The following RNF17 variants were observed in gnomAD, a reference collection of about 807,000 sequenced individuals.
The protein encoded by RNF17 is spermatogenesis associated 23.
Under a neutral mutation model 200.5 loss-of-function variants are expected in RNF17, and 31 were observed. The observed-to-expected ratio is 0.15, with a 90% CI of 0.12 to 0.21. The LOEUF is 0.21. Ranked by LOEUF, RNF17 falls within the 10% of genes least tolerant of loss-of-function variation. The pLI is 1.00. For missense variants in RNF17, 1,628 were observed against 1,905.1 expected, an observed-to-expected ratio of 0.85 and a Z score of 2.71; for synonymous variants, 606 against 637.8, an observed-to-expected ratio of 0.95 and a Z score of 0.75.
chr13:24,831,366 C>G (rs1005107192), intron 17 of RNF17, among the ~76,000 whole-genome samples: 1 of 151,980 alleles, frequency 6.6e-6, no homozygotes, highest in Non-Finnish European at 1.5e-5. Context: ...TGCTTGAACC[C>G]GGGAGGCGGA....
chr13:24,792,373 T>C lies in RNF17; in HGVS notation c.936-669T>C, dbSNP rs180834763. Among the ~76,000 whole-genome samples, 3 of 152,068 alleles carry C rather than the reference T, an allele frequency of 2.0e-5. No individual in the cohort carries two copies. In the East Asian group the frequency reaches 5.8e-4, roughly 29 times the overall value. On this transcript the variant is annotated intron_variant, in intron 9 of 35. Coordinates refer to ENST00000255324, the MANE Select transcript of RNF17 (RefSeq NM_031277.3). ...TTCAAACAGGTCAAGGACAATACCC[T>C]GGAAGGATACTAAAATTTAAAGCAG...
At chr13:24,880,693 C>CA (rs1413501793), downstream of RNF17, among the ~76,000 whole-genome samples, 1 of 152,170 alleles carries the variant, frequency 6.6e-6, no homozygotes, top group African/African-American at 2.4e-5. Flanking sequence ...GCCTTGTATA[C>CA]ATGAGCGGCT....
intron 17 of RNF17, among the ~76,000 whole-genome samples, chr13:24,831,602 A>G (rs1593372910): frequency 6.6e-6 from 1 of 152,232 alleles, no homozygotes; most frequent in African/African-American, 2.4e-5. Context: ...TTAATGTATC[A>G]TAAGTGTCTG....
chr13:24,871,667 C>G (rs1432165144), intron 32 of RNF17, among the ~76,000 whole-genome samples: 1 of 139,358 alleles, frequency 7.2e-6, no homozygotes, highest in Admixed American at 7.6e-5. Flanking sequence ...GAGTCTTGCT[C>G]TGTTGCCCAG....
At chr13:24,806,942 T>G (rs1459712506) in intron 15 of RNF17, among the ~76,000 whole-genome samples, 2 of 151,890 alleles carry the variant, frequency 1.3e-5, no homozygotes. Flanking sequence ...AATGATGATT[T>G]CCAGTTTCAT....
At chr13:24,812,633 G>A (rs1284360587) in intron 15 of RNF17, among the ~76,000 whole-genome samples, 9 of 150,218 alleles carry the variant, frequency 6.0e-5, no homozygotes, top group South Asian at 2.1e-4. Context: ...GCTGTAGACC[G>A]GAGCTGTTCC....
chr13:24,826,924 G>C (rs1477854165), intron 16 of RNF17, among the ~76,000 whole-genome samples: 9 of 151,958 alleles, frequency 5.9e-5, no homozygotes, highest in Non-Finnish European at 8.8e-5. Flanking sequence ...GCTGGGCATG[G>C]TGGTGCATGC....
chr13:24,868,844 T>G, intron 31 of RNF17, 128 bp downstream of exon 31: 1 of 658,740 alleles, frequency 1.5e-6, no homozygotes, highest in Non-Finnish European at 2.7e-6. Flanking sequence ...GAACTCTAGT[T>G]TGCCCCACCC....
chr13:24,883,175 C>T (rs748322843), downstream of RNF17: 19 of 1,612,558 alleles, frequency 1.2e-5, no homozygotes, highest in East Asian at 2.2e-5. Context: ...ACATGAGGAT[C>T]GTCACAGCTC....
In RNF17 at chr13:24,779,698, C is replaced by T; in HGVS notation, c.461C>T (p.Ala154Val). The change falls in exon 5 of 36, where the codon GCA becomes GTA. Residue 154 changes from alanine to valine, a missense_variant. Physicochemically the swap from Ala to Val is moderately conservative, Grantham distance 64. This residue lies in a region of RNF17 where 502 missense variants were observed against 501.7 expected (regional missense o/e 1.00). Transcript: ENST00000255324. ...AATACTGCAGAAGAAATTGATGAAG[C>T]ATTGAATACAGCACACCATAGTTTC... ...DTNTAEEIDE[A>V]LNTAHHSFEQ... 2 of 1,613,416 alleles carry T rather than the reference C, an allele frequency of 1.2e-6. No individual in the cohort carries two copies. Among genetic ancestry groups the T allele is most frequent in the Non-Finnish European group, 1.7e-6 (2 of 1,179,570 alleles).
intron 29 of RNF17, 137 bp downstream of exon 29, chr13:24,865,135 T>C (rs1893488560): frequency 3.3e-6 from 2 of 605,402 alleles, no homozygotes. Flanking sequence ...CTTACACATT[T>C]TTGCTGAGAA....
At position 24,767,334 on chromosome 13, in the gene RNF17, G is replaced by A; in HGVS notation, c.193G>A (p.Glu65Lys). ...FCELCLLMTE[E>K]CTTIICPDCE... ...TGAACTATGCTTGTTAATGACTGAA[G>A]AATGCACCACAATTATATGCCCTGA... Residue 65 changes from glutamate to lysine, a missense_variant, in exon 2 of 36, where the codon GAA becomes AAA. Physicochemically the swap from Glu to Lys is moderately conservative, Grantham distance 56. Transcript: ENST00000255324. 6.2e-7 allele frequency: 1 copy of A among 1,611,776 alleles called. No homozygotes were observed. Among genetic ancestry groups the A allele is most frequent in the South Asian group, 1.1e-5 (1 of 91,012 alleles).
intron 32 of RNF17, among the ~76,000 whole-genome samples, chr13:24,871,181 A>C (rs1447032453): frequency 6.6e-6 from 1 of 152,206 alleles, no homozygotes; most frequent in African/African-American, 2.4e-5. Flanking sequence ...TTATCTTTTC[A>C]GTCCATTCTT....
chr13:24,765,089 C>T lies in RNF17; in HGVS notation c.130+756C>T, dbSNP rs1054014476. 2.0e-5 allele frequency among the ~76,000 whole-genome samples: 3 copies of T among 152,280 alleles called. No individual in the cohort carries two copies. The East Asian group carries it at 5.8e-4, about 29-fold the overall frequency. ...GGAGTGCAGTGGCGCGATCTCGGCT[C>T]ACTGCAAGCTCCGCCTCCCAGGTTC... On this transcript the variant is annotated intron_variant, in intron 1 of 35. Transcript: ENST00000255324.
intron 32 of RNF17, among the ~76,000 whole-genome samples, chr13:24,870,988 G>A (rs1484754160): frequency 6.6e-6 from 1 of 152,200 alleles, no homozygotes; most frequent in Admixed American, 6.5e-5. Flanking sequence ...AAATAAGACA[G>A]CGTTGGAAAA....
downstream of RNF17, chr13:24,883,446 T>C (rs1953924174): frequency 2.4e-6 from 3 of 1,234,046 alleles, no homozygotes; most frequent in South Asian, 1.4e-5. Context: ...TACTGAAAAG[T>C]AGCCTTTTGA....
chr13:24,788,021 T>C lies in RNF17; in HGVS notation c.645T>C (p.Thr215=), dbSNP rs1286023172. 6.4e-7 allele frequency: 1 copy of C among 1,573,898 alleles called. No individual in the cohort carries two copies. Residue 215 remains threonine, a synonymous_variant, in exon 7 of 36, where the codon ACT becomes ACC. Transcript: ENST00000255324. The stretch of plus-strand genomic sequence containing the variant: ...ACCTGTGTGAAGAATTTGCAAGAAC[T>C]ACTGATGATTATCTATCAAATTTAA... The part of the protein sequence containing the change: ...KKNLCEEFAR[T]TDDYLSNLIK...
At chr13:24,805,689 G>C (rs1416305605) in intron 15 of RNF17, among the ~76,000 whole-genome samples, 1 of 152,166 alleles carries the variant, frequency 6.6e-6, no homozygotes, top group African/African-American at 2.4e-5. Context: ...TTGGGTCTCT[G>C]CTTTCAGTTC....
the RNF17 span, among the ~76,000 whole-genome samples, chr13:24,757,055 C>G: frequency 2.6e-5 from 4 of 152,094 alleles, no homozygotes; most frequent in Non-Finnish European, 2.9e-5. Context: ...AGACAGTTCA[C>G]CTTGCAATTC....
Sources: gnomAD v4.1 joint callset for allele counts (sites outside exome capture counted in the v4.1 genomes callset) on GRCh38, gnomAD v4.1.1 for gene constraint, gnomAD v4.1.1 regional missense constraint, MANE v1.5 for transcripts, NCBI Gene and HGNC (gene_info 2026-07-23, HGNC 2026-07-21) for gene names.